Variants in NKAIN1 observed in about 807,000 individuals in gnomAD.
NKAIN1 encodes sodium/potassium transporting ATPase interacting 1.
A neutral mutation model predicts 31.6 loss-of-function variants in NKAIN1; 13 were observed. That is an observed-to-expected ratio of 0.41 (90% confidence interval 0.27 to 0.65). The LOEUF (loss-of-function observed/expected upper bound fraction) is 0.65. Ranked by LOEUF, NKAIN1 falls within the 30% of genes least tolerant of loss-of-function variation. NKAIN1 has a pLI of 0.30. For synonymous variants in NKAIN1, 104 were observed against 109.0 expected, an observed-to-expected ratio of 0.95 and a Z score of 0.28; for missense variants, 193 against 262.2, an observed-to-expected ratio of 0.74 and a Z score of 1.82.
At chr1:31,189,591 A>G (rs535938424) in intron 1 of NKAIN1, among the ~76,000 whole-genome samples, 61 of 152,348 alleles carry the variant, frequency 4.0e-4, no homozygotes, top group African/African-American at 1.4e-3. Context: ...TGCTGGGATT[A>G]TAGGCGTGAG....
At chr1:31,217,852 G>A (rs912620102) in intron 1 of NKAIN1, among the ~76,000 whole-genome samples, 17 of 152,026 alleles carry the variant, frequency 1.1e-4, no homozygotes, top group African/African-American at 3.9e-4. Flanking sequence ...TAAACAAAGG[G>A]CTGCAGGGAT....
Position 31,239,533 on chromosome 1 carries a change from G to A in NKAIN1, c.15C>T (p.Ser5=), listed in dbSNP as rs1335229051. MGKC[S]GRCTLVAFCC... Reference sequence around the variant, plus strand: ...AGAAGGCGACCAGCGTGCAGCGCCCGCTGCACTTGCCCATGGCTCCGGGGG... The same window carrying A: ...AGAAGGCGACCAGCGTGCAGCGCCCACTGCACTTGCCCATGGCTCCGGGGG... The change falls in exon 1 of 7, where the codon AGC becomes AGT. Residue 5 remains serine, a synonymous_variant. Transcript: ENST00000373736. The surrounding 1 kb of genome is among the most constrained non-coding windows in gnomAD (Gnocchi z 4.8). 2.2e-6 allele frequency: 3 copies of A among 1,349,972 alleles called. No individual in the cohort carries two copies. The highest frequency in any genetic ancestry group is 3.1e-5 in the East Asian group (1 of 32,284). 83.6% of individuals were successfully genotyped at this position (1,349,972 alleles called of 1,614,324 possible).
intron 1 of NKAIN1, among the ~76,000 whole-genome samples, chr1:31,199,512 G>A (rs2377724): frequency 0.15 from 22,681 of 151,990 alleles, 2,716 homozygotes; most frequent in African/African-American, 0.32. Flanking sequence ...GATGAAAGCC[G>A]CAGACAACAG....
chr1:31,234,303 CA>C (rs1230826737), intron 1 of NKAIN1, among the ~76,000 whole-genome samples: 1 of 152,198 alleles, frequency 6.6e-6, no homozygotes, highest in African/African-American at 2.4e-5. Context: ...CGTGAGCTTG[CA>C]GCTGCAGCTG....
At chr1:31,184,804 C>T (rs946328465) in intron 3 of NKAIN1, among the ~76,000 whole-genome samples, 8 of 152,180 alleles carry the variant, frequency 5.3e-5, no homozygotes, top group Non-Finnish European at 1.0e-4. Flanking sequence ...GCTCAATCTT[C>T]CCTGAACAAA....
intron 1 of NKAIN1, among the ~76,000 whole-genome samples, chr1:31,226,055 G>T (rs971254544): frequency 2.0e-5 from 3 of 152,220 alleles, no homozygotes; most frequent in South Asian, 4.1e-4. Flanking sequence ...GAATATAAAA[G>T]GTTTAGCTGA....
At chr1:31,190,416 T>C (rs747072534) in intron 1 of NKAIN1, among the ~76,000 whole-genome samples, 4 of 152,186 alleles carry the variant, frequency 2.6e-5, no homozygotes, top group Non-Finnish European at 4.4e-5. Flanking sequence ...GGAATCATTA[T>C]TTCATTTTGA....
intron 1 of NKAIN1, among the ~76,000 whole-genome samples, chr1:31,204,250 C>T (rs1322898944): frequency 2.0e-5 from 3 of 152,036 alleles, no homozygotes; most frequent in Non-Finnish European, 4.4e-5. Context: ...AAGGTCTGAG[C>T]ATAGAGACAT....
Position 31,208,005 on chromosome 1 carries a change from T to C in NKAIN1, c.55-19818A>G, listed in dbSNP as rs115657515. ...CCACCCCAGGTTTCCCCACTAGCTC[T>C]CCTGGTCCACAGATGGCCGCTGGGC... On this transcript the variant is annotated intron_variant, in intron 1 of 6. Coordinates refer to ENST00000373736, the MANE Select transcript of NKAIN1 (RefSeq NM_024522.3). Among the ~76,000 whole-genome samples, 419 of 152,136 alleles carry C rather than the reference T, an allele frequency of 2.8e-3. 4 individuals carry two copies. The highest frequency in any genetic ancestry group is 9.7e-3 in the African/African-American group (404 of 41,490).
intron 1 of NKAIN1, among the ~76,000 whole-genome samples, chr1:31,216,928 C>T (rs1339143886): frequency 6.6e-6 from 1 of 151,922 alleles, no homozygotes; most frequent in Admixed American, 6.6e-5. Flanking sequence ...TGCAATGGTG[C>T]GATCTTGGCT....
intron 2 of NKAIN1, among the ~76,000 whole-genome samples, chr1:31,186,693 T>A (rs1447591213): frequency 6.6e-6 from 1 of 152,110 alleles, no homozygotes; most frequent in Admixed American, 6.6e-5. Flanking sequence ...CCTCACTCCA[T>A]CACTTTCCTC....
Position 31,188,260 on chromosome 1 carries a change from G to T in NKAIN1, c.55-73C>A, listed in dbSNP as rs534797336. On this transcript the variant is annotated intron_variant, in intron 1 of 6. Transcript: ENST00000373736. ...GGACAGGGATTCCTGCTTGACCTTG[G>T]GGAGCAGGTGGCACCAGTTACCATG... 5.0e-4 allele frequency: 746 copies of T among 1,492,740 alleles called. 11 individuals are homozygous for T. Among genetic ancestry groups the T allele is most frequent in the South Asian group, 4.7e-3 (361 of 76,866 alleles). 92.5% of individuals were successfully genotyped at this position (1,492,740 alleles called of 1,614,324 possible). A position where few individuals can be genotyped will look rare whatever the true frequency, so the allele number is the denominator to read the frequency against.
At chr1:31,211,076 T>C (rs191636307) in intron 1 of NKAIN1, among the ~76,000 whole-genome samples, 106 of 152,332 alleles carry the variant, frequency 7.0e-4, no homozygotes, top group African/African-American at 2.3e-3. Context: ...GACTGAAAGC[T>C]TTCCCCCTAA....
intron 1 of NKAIN1, among the ~76,000 whole-genome samples, chr1:31,211,520 T>C (rs1570467301): frequency 6.6e-6 from 1 of 151,968 alleles, no homozygotes; most frequent in East Asian, 1.9e-4. Context: ...AATTTATGGA[T>C]TGGGAGACTT....
chr1:31,193,534 A>C (rs1408628163), intron 1 of NKAIN1, among the ~76,000 whole-genome samples: 1 of 151,932 alleles, frequency 6.6e-6, no homozygotes, highest in Non-Finnish European at 1.5e-5. Context: ...GTCTCTACTA[A>C]AAATACAAAA....
At chr1:31,186,876 C>T (rs1264143162) in intron 2 of NKAIN1, among the ~76,000 whole-genome samples, 1 of 152,226 alleles carries the variant, frequency 6.6e-6, no homozygotes. Flanking sequence ...CCTCAGTTTT[C>T]CCACATCCCG....
chr1:31,221,969 C>T (rs1428240981), intron 1 of NKAIN1, among the ~76,000 whole-genome samples: 1 of 152,094 alleles, frequency 6.6e-6, no homozygotes, highest in East Asian at 1.9e-4. Flanking sequence ...ACCTCCACTT[C>T]CCGGGTTCAA....
At chr1:31,225,156 T>A (rs924674733) in intron 1 of NKAIN1, among the ~76,000 whole-genome samples, 8 of 148,534 alleles carry the variant, frequency 5.4e-5, no homozygotes, top group African/African-American at 7.5e-5. Context: ...GCCTCCCAAG[T>A]AGCTGGGACT....
intron 1 of NKAIN1, among the ~76,000 whole-genome samples, chr1:31,211,014 G>C (rs964575741): frequency 6.6e-6 from 1 of 152,118 alleles, no homozygotes; most frequent in East Asian, 1.9e-4. Context: ...CCTCAACCTG[G>C]TGAAGGGCAT....
Sources: allele counts gnomAD v4.1 joint callset (sites outside exome capture counted in the v4.1 genomes callset), GRCh38; gene constraint gnomAD v4.1.1; non-coding constraint Gnocchi (gnomAD v3.1); transcripts MANE v1.5; gene names NCBI Gene and HGNC (gene_info 2026-07-23, HGNC 2026-07-21).